Variants in GLIS3 observed in about 807,000 individuals in gnomAD.
GLIS3 encodes zinc finger protein GLIS3.
GLIS3 carries 53 observed loss-of-function variants against 78.6 expected under a neutral mutation model. That is an observed-to-expected ratio of 0.67 (90% CI 0.54 to 0.85). The LOEUF (loss-of-function observed/expected upper bound fraction) is 0.85, where lower values mean the gene tolerates loss of function less well. GLIS3 is among the 40% of genes least tolerant of loss of function. GLIS3 has a pLI of 0.00. For synonymous variants in GLIS3, 684 were observed against 509.9 expected, an observed-to-expected ratio of 1.34 and a Z score of -4.60; for missense variants, 1,703 against 1,231.1, an observed-to-expected ratio of 1.38 and a Z score of -5.74.
At chr9:4,314,817 T>C (rs1817414640) in intron 2 of GLIS3, among the ~76,000 whole-genome samples, 1 of 152,212 alleles carries the variant, frequency 6.6e-6, no homozygotes, top group African/African-American at 2.4e-5. Context: ...CATAGGGCTG[T>C]AGGGAGAATG....
At position 4,117,951 on chromosome 9, in the gene GLIS3, G is replaced by A. The variant is rs144539050; in HGVS notation, c.1527C>T (p.Ala509=). 2.5e-6 allele frequency: 4 copies of A among 1,613,912 alleles called. No homozygotes were observed. In the African/African-American group the frequency reaches 4.0e-5, roughly 16 times the overall value. The change falls in exon 4 of 11, where the codon GCC becomes GCT. Residue 509 remains alanine (A), a synonymous_variant. Coordinates refer to ENST00000381971, the MANE Select transcript of GLIS3 (RefSeq NM_001042413.2). ...CGAGCTCCTCCTGCTGGTCGTACAG[G>A]GCGCTGCAGTCGATCCAGCGGCAGC... ...KHCCRWIDCS[A]LYDQQEELVR...
intron 2 of GLIS3, among the ~76,000 whole-genome samples, chr9:4,320,706 A>G (rs1047948365): frequency 3.3e-5 from 5 of 151,704 alleles, no homozygotes; most frequent in Non-Finnish European, 7.4e-5. Context: ...CACTACTACT[A>G]TCTCTACTAT....
At chr9:4,198,404 C>T (rs1316297675) in intron 2 of GLIS3, among the ~76,000 whole-genome samples, 3 of 151,880 alleles carry the variant, frequency 2.0e-5, no homozygotes, top group African/African-American at 4.8e-5. Context: ...TAAGGAATTA[C>T]AAAATACAAT....
the GLIS3 span, among the ~76,000 whole-genome samples, chr9:4,375,844 C>A: frequency 6.6e-6 from 1 of 152,016 alleles, no homozygotes; most frequent in Non-Finnish European, 1.5e-5. Flanking sequence ...GCTCTCCTGT[C>A]GTGATAGTAA....
chr9:4,400,579 T>G, the GLIS3 span, among the ~76,000 whole-genome samples: 1 of 152,262 alleles, frequency 6.6e-6, no homozygotes, highest in Non-Finnish European at 1.5e-5. Context: ...CAGAGAAGAC[T>G]CCTTTCCTCT....
At chr9:3,958,701 G>A (rs938000432) in intron 4 of GLIS3, among the ~76,000 whole-genome samples, 1 of 152,212 alleles carries the variant, frequency 6.6e-6, no homozygotes, top group Non-Finnish European at 1.5e-5. Context: ...AGATGGCCAT[G>A]TAAACAAACA....
At chr9:3,916,840 C>A (rs894807142) in intron 6 of GLIS3, among the ~76,000 whole-genome samples, 1 of 152,140 alleles carries the variant, frequency 6.6e-6, no homozygotes, top group African/African-American at 2.4e-5. Flanking sequence ...TTCAATTGCT[C>A]TTGAAAAAGC....
intron 4 of GLIS3, among the ~76,000 whole-genome samples, chr9:3,986,638 G>C (rs1313764627): frequency 1.3e-5 from 2 of 152,184 alleles, no homozygotes; most frequent in Non-Finnish European, 2.9e-5. Flanking sequence ...CTCACCACAG[G>C]CCTCCTCCAC....
intron 3 of GLIS3, among the ~76,000 whole-genome samples, chr9:4,121,970 G>A (rs1412145727): frequency 1.3e-5 from 2 of 152,216 alleles, no homozygotes; most frequent in South Asian, 2.1e-4. Flanking sequence ...ATCATTATTT[G>A]AGAGCAATCT....
intron 2 of GLIS3, among the ~76,000 whole-genome samples, chr9:4,189,359 G>C (rs1374133148): frequency 6.6e-6 from 1 of 151,698 alleles, no homozygotes; most frequent in Admixed American, 6.6e-5. Context: ...TGTGGTCTGA[G>C]AGTTTGTTAT....
chr9:3,903,589 C>G (rs957143645), intron 6 of GLIS3, among the ~76,000 whole-genome samples: 5 of 152,122 alleles, frequency 3.3e-5, no homozygotes, highest in Non-Finnish European at 7.3e-5. Context: ...ATTCATTTGT[C>G]GAACAAATAT....
intron 2 of GLIS3, among the ~76,000 whole-genome samples, chr9:4,163,152 T>G (rs1336186677): frequency 6.6e-6 from 1 of 152,232 alleles, no homozygotes; most frequent in Non-Finnish European, 1.5e-5. Flanking sequence ...TCTAAAGTCA[T>G]ACAGGAGAGT....
chr9:3,889,505 A>C (rs1822285342), intron 7 of GLIS3, among the ~76,000 whole-genome samples: 1 of 152,234 alleles, frequency 6.6e-6, no homozygotes, highest in Non-Finnish European at 1.5e-5. Flanking sequence ...CTAAAATATT[A>C]TGGGGATCAA....
the GLIS3 span, among the ~76,000 whole-genome samples, chr9:4,439,144 A>C: frequency 2.0e-5 from 3 of 152,158 alleles, no homozygotes; most frequent in Non-Finnish European, 4.4e-5. Context: ...GGCATTCTTC[A>C]GTACTACCTT....
the GLIS3 span, among the ~76,000 whole-genome samples, chr9:4,377,144 G>A: frequency 2.2e-5 from 3 of 135,218 alleles, 1 homozygote; most frequent in African/African-American, 7.8e-5. Flanking sequence ...GTTTCTGGGT[G>A]TGTCTGTGAG....
At chr9:4,247,526 AG>A (rs1177127204) in intron 2 of GLIS3, among the ~76,000 whole-genome samples, 1 of 152,154 alleles carries the variant, frequency 6.6e-6, no homozygotes, top group African/African-American at 2.4e-5. Flanking sequence ...CTGTCTCTAA[AG>A]CCCATCCACA....
chr9:4,361,921 A>G, the GLIS3 span, among the ~76,000 whole-genome samples: 1 of 152,230 alleles, frequency 6.6e-6, no homozygotes, highest in African/African-American at 2.4e-5. Flanking sequence ...TTGGAATGTT[A>G]TCTCTCTTCT....
chr9:4,134,467 G>C (rs1410615762), intron 2 of GLIS3, among the ~76,000 whole-genome samples: 1 of 152,082 alleles, frequency 6.6e-6, no homozygotes, highest in Non-Finnish European at 1.5e-5. Flanking sequence ...TGTAACTTTG[G>C]TCATTTAGCA....
chr9:4,209,704 CCTA>C (rs1346092993), intron 2 of GLIS3, among the ~76,000 whole-genome samples: 1 of 152,152 alleles, frequency 6.6e-6, no homozygotes, highest in African/African-American at 2.4e-5. Context: ...TAACGTCACT[CCTA>C]CTGACATTCT....
Sources: allele counts gnomAD v4.1 joint callset (sites outside exome capture counted in the v4.1 genomes callset), GRCh38; gene constraint gnomAD v4.1.1; transcripts MANE v1.5; gene names NCBI Gene and HGNC (gene_info 2026-07-23, HGNC 2026-07-21).